The following SCAMP1 variants were observed in gnomAD, a reference collection of about 807,000 sequenced individuals.
The protein encoded by SCAMP1 is secretory carrier-associated membrane protein 1.
Under a neutral mutation model 41.8 loss-of-function variants are expected in SCAMP1, and 15 were observed. That is an observed-to-expected ratio of 0.36 (90% confidence interval 0.24 to 0.55). The LOEUF is 0.55. Among genes scored for constraint, SCAMP1 ranks in the 20% least tolerant of loss-of-function variants. SCAMP1 has a pLI of 0.86. For missense variants in SCAMP1, 341 were observed against 412.6 expected, an observed-to-expected ratio of 0.83 and a Z score of 1.50; for synonymous variants, 135 against 136.8, an observed-to-expected ratio of 0.99 and a Z score of 0.09.
chr5:78,444,405 A>G (rs1753004849), intron 6 of SCAMP1, among the ~76,000 whole-genome samples: 1 of 152,142 alleles, frequency 6.6e-6, no homozygotes, highest in African/African-American at 2.4e-5. Context: ...GTGCAGGGGA[A>G]CTGCCCTTTA....
chr5:78,401,930 A>G (rs1223978837), intron 2 of SCAMP1, among the ~76,000 whole-genome samples: 2 of 152,038 alleles, frequency 1.3e-5, no homozygotes. Flanking sequence ...TATGGATTTT[A>G]GATCTTTCTT....
At chr5:78,418,672 C>A in intron 4 of SCAMP1, 103 bp from the exon 5 acceptor site, 1 of 751,192 alleles carries the variant, frequency 1.3e-6, no homozygotes, top group Non-Finnish European at 2.1e-6. Context: ...TTTTTCTGAA[C>A]TTTTGTTAAC....
At chr5:78,457,236 G>T (rs1178564788) in intron 7 of SCAMP1, among the ~76,000 whole-genome samples, 2 of 152,204 alleles carry the variant, frequency 1.3e-5, no homozygotes, top group Non-Finnish European at 2.9e-5. Flanking sequence ...GAGGAACTGC[G>T]TTCCTTTGGT....
chr5:78,362,736 C>T (rs998156588), intron 1 of SCAMP1, among the ~76,000 whole-genome samples: 1 of 152,084 alleles, frequency 6.6e-6, no homozygotes, highest in Non-Finnish European at 1.5e-5. Flanking sequence ...CCTGCCCCTC[C>T]TCCTCACAAA....
chr5:78,475,723 T>C lies in SCAMP1; in HGVS notation c.*55T>C. 7.6e-7 allele frequency: 1 copy of C among 1,316,728 alleles called. No individual in the cohort carries two copies. The highest frequency in any genetic ancestry group is 1.5e-5 in the African/African-American group (1 of 67,168). 81.6% of individuals were successfully genotyped at this position (1,316,728 alleles called of 1,614,324 possible). A position where few individuals can be genotyped will look rare whatever the true frequency, so the allele number is the denominator to read the frequency against. On this transcript the variant is annotated 3_prime_UTR_variant, in exon 9 of 9. Transcript: ENST00000621999. ...TGACTGTACCTTTTTCTCCAGTTACTGTATTCTACAAATATTTTTATGTTC... is the reference window on the plus strand; with the variant it reads ...TGACTGTACCTTTTTCTCCAGTTACCGTATTCTACAAATATTTTTATGTTC...
chr5:78,391,608 G>A (rs1045042125), intron 2 of SCAMP1, among the ~76,000 whole-genome samples: 8 of 152,110 alleles, frequency 5.3e-5, no homozygotes, highest in African/African-American at 1.9e-4. Flanking sequence ...ACGGGGTGGC[G>A]GCCGGGCAGA....
Position 78,404,982 on chromosome 5 carries a change from G to A in SCAMP1, c.136-10538G>A, listed in dbSNP as rs980249696. Among the ~76,000 whole-genome samples the A allele has an allele frequency of 3.9e-5, 6 of 152,204 alleles. No individual in the cohort carries two copies. The East Asian group carries it at 1.2e-3, about 29-fold the overall frequency. On this transcript the variant is annotated intron_variant, in intron 2 of 8. Transcript: ENST00000621999. ...CAACAATTTCTTAATTACAGTTAAG[G>A]TTTTTCTACCCCAGTAATGGTTCTT... is the stretch of plus-strand genomic sequence containing the variant.
At chr5:78,393,854 C>T (rs1385527338) in intron 2 of SCAMP1, among the ~76,000 whole-genome samples, 4 of 151,776 alleles carry the variant, frequency 2.6e-5, no homozygotes, top group African/African-American at 9.7e-5. Flanking sequence ...CTGCTTGATT[C>T]TCACTAGTTT....
At chr5:78,459,870 A>G (rs1753540998) in intron 8 of SCAMP1, among the ~76,000 whole-genome samples, 1 of 152,126 alleles carries the variant, frequency 6.6e-6, no homozygotes, top group Admixed American at 6.5e-5. Context: ...TCACCCAAAT[A>G]GTGAACATAG....
At position 78,388,834 on chromosome 5, in the gene SCAMP1, T is replaced by C; in HGVS notation, c.58-3T>C. The C allele has an allele frequency of 6.8e-7, 1 of 1,478,702 alleles. No individual in the cohort carries two copies. Among genetic ancestry groups the C allele is most frequent in the Non-Finnish European group, 9.4e-7 (1 of 1,069,094 alleles). 91.6% of individuals were successfully genotyped at this position (1,478,702 alleles called of 1,614,324 possible). On this transcript the variant is annotated splice_polypyrimidine_tract_variant and splice_region_variant and intron_variant, in intron 1 of 8. Transcript: ENST00000621999. The stretch of plus-strand genomic sequence containing the variant: ...TTTTTTTCTCCTTTGAATTTTATTC[T>C]AGGATCCATCAGTTACACAAGTGAC...
intron 2 of SCAMP1, among the ~76,000 whole-genome samples, chr5:78,406,577 G>C (rs565515911): frequency 1.6e-4 from 25 of 152,238 alleles, no homozygotes; most frequent in African/African-American, 6.0e-4. Flanking sequence ...CCAGTGCAGA[G>C]AGCTTACTAT....
At chr5:78,419,141 G>A (rs1001494985) in intron 5 of SCAMP1, among the ~76,000 whole-genome samples, 4 of 152,042 alleles carry the variant, frequency 2.6e-5, no homozygotes, top group African/African-American at 9.7e-5. Context: ...ATTCTTTTGA[G>A]GAAAAGACAA....
At chr5:78,449,392 G>GA (rs1353369739) in intron 6 of SCAMP1, among the ~76,000 whole-genome samples, 3 of 151,712 alleles carry the variant, frequency 2.0e-5, no homozygotes, top group Non-Finnish European at 4.4e-5. Context: ...GCCAGACAAG[G>GA]AAAAAAGACT....
intron 8 of SCAMP1, among the ~76,000 whole-genome samples, chr5:78,473,501 A>G (rs1156859314): frequency 2.0e-5 from 3 of 152,026 alleles, no homozygotes; most frequent in African/African-American, 7.2e-5. Context: ...GATTCAGGGG[A>G]TACATGTGCA....
At chr5:78,455,209 T>C (rs1356911619) in intron 7 of SCAMP1, among the ~76,000 whole-genome samples, 1 of 150,934 alleles carries the variant, frequency 6.6e-6, no homozygotes, top group East Asian at 1.9e-4. Context: ...TTTTAGTTAT[T>C]TCTTGCCTTC....
intron 1 of SCAMP1, among the ~76,000 whole-genome samples, chr5:78,370,336 A>C (rs553327992): frequency 6.6e-6 from 1 of 152,322 alleles, no homozygotes; most frequent in East Asian, 1.9e-4. Context: ...GTGGGATATA[A>C]AAGGTGACAT....
At chr5:78,414,807 T>TAAA (rs1416380502) in intron 2 of SCAMP1, among the ~76,000 whole-genome samples, 4 of 152,160 alleles carry the variant, frequency 2.6e-5, no homozygotes, top group Non-Finnish European at 5.9e-5. Flanking sequence ...TTTACTCTTT[T>TAAA]AAATTTAGTG....
intron 1 of SCAMP1, among the ~76,000 whole-genome samples, chr5:78,387,945 A>G (rs1751385531): frequency 6.6e-6 from 1 of 152,236 alleles, no homozygotes; most frequent in Non-Finnish European, 1.5e-5. Context: ...TTAAGAGCAC[A>G]TTAGCTGCAG....
intron 1 of SCAMP1, among the ~76,000 whole-genome samples, chr5:78,367,125 TC>T (rs1313534486): frequency 1.3e-5 from 2 of 152,182 alleles, no homozygotes; most frequent in East Asian, 3.8e-4. Flanking sequence ...CTGCATGAAT[TC>T]CTGCTCATTT....
Sources: gnomAD v4.1 joint callset for allele counts (sites outside exome capture counted in the v4.1 genomes callset) on GRCh38, gnomAD v4.1.1 for gene constraint, MANE v1.5 for transcripts, NCBI Gene and HGNC (gene_info 2026-07-23, HGNC 2026-07-21) for gene names.